The following SLC6A17 variants were observed in gnomAD, a reference collection of about 807,000 sequenced individuals.
SLC6A17 encodes sodium-dependent neutral amino acid transporter SLC6A17.
In SLC6A17, 21 loss-of-function variants were observed where a neutral mutation model predicts 64.5. That is an observed-to-expected ratio of 0.33 (90% CI 0.23 to 0.47). The LOEUF is 0.47. SLC6A17 is among the 20% of genes least tolerant of loss of function. The pLI is 1.00. For synonymous variants in SLC6A17, 372 were observed against 399.5 expected (o/e 0.93, Z 0.82); for missense variants, 682 against 963.2 (o/e 0.71, Z 3.86).
Position 110,184,192 on chromosome 1 carries a change from C to A in SLC6A17, c.864+7453C>A, listed in dbSNP as rs557379394. ...GTGGCGTGATCTTGGCTCACTGCAACCTCCGCCTCCCGGGTTCAAACGATT... is the reference window on the plus strand; with the variant it reads ...GTGGCGTGATCTTGGCTCACTGCAAACTCCGCCTCCCGGGTTCAAACGATT... On this transcript the variant is annotated intron_variant, in intron 6 of 11. Coordinates refer to ENST00000331565, the MANE Select transcript of SLC6A17 (RefSeq NM_001010898.4). Among the ~76,000 whole-genome samples the A allele has an allele frequency of 2.6e-5, 4 of 152,242 alleles. No individual in the cohort carries two copies. The East Asian group carries it at 7.7e-4, about 29-fold the overall frequency.
rs201061830 is a variant in SLC6A17, at chr1:110,197,590, C to G, written c.1806C>G (p.Ile602Met). ...CGCCCCCGGGCTACAGCGCCTGGAT[C>G]AAGGAGGAGGTGAGGGGTGGGGCCC... is the stretch of plus-strand genomic sequence containing the variant. ...GVTPPGYSAWIKEEAAERYLY... is the reference protein window; with the variant it reads ...GVTPPGYSAWMKEEAAERYLY... The change falls in exon 11 of 12, where the codon ATC (isoleucine) becomes ATG (methionine). Residue 602 changes from isoleucine (I) to methionine (M), a missense_variant. Physicochemically the swap from Ile to Met is conservative, Grantham distance 10 (BLOSUM62 1). Coordinates refer to ENST00000331565, the MANE Select transcript of SLC6A17 (RefSeq NM_001010898.4). The G allele has an allele frequency of 1.9e-6, 3 of 1,599,480 alleles. No individual in the cohort carries two copies. The East Asian group carries it at 6.7e-5, about 36-fold the overall frequency.
chr1:110,195,218 G>A (rs887437652), intron 9 of SLC6A17, among the ~76,000 whole-genome samples: 1 of 152,232 alleles, frequency 6.6e-6, no homozygotes, highest in Non-Finnish European at 1.5e-5. Context: ...TCCCTAAAGC[G>A]GGGTATCTTT....
chr1:110,180,815 G>T (rs1373788583), intron 6 of SLC6A17, among the ~76,000 whole-genome samples: 2 of 152,250 alleles, frequency 1.3e-5, no homozygotes, highest in South Asian at 4.1e-4. Flanking sequence ...CATGCTGTTT[G>T]GTACCTCTGG....
rs771857280 is a variant in SLC6A17 at position 110,174,919 on chromosome 1, G to A, written c.712G>A (p.Val238Met). Reference protein sequence around the residue: ...TLCLLVAWSIVGMAVVKGIQS... With the variant: ...TLCLLVAWSIMGMAVVKGIQS... ...GTGCCTCCTCGTGGCCTGGAGCATC[G>A]TGGGGATGGCTGTCGTTAAGGGCAT... Residue 238 changes from valine to methionine, a missense_variant, in exon 5 of 12, where the codon GTG (valine) becomes ATG (methionine). This residue lies in a region of SLC6A17 where 415 missense variants were observed against 603.8 expected (regional missense o/e 0.69). Coordinates refer to ENST00000331565, the MANE Select transcript of SLC6A17 (RefSeq NM_001010898.4). 17 of 1,614,016 alleles carry A rather than the reference G, an allele frequency of 1.1e-5. No homozygotes were observed. The highest frequency in any genetic ancestry group is 2.2e-5 in the South Asian group (2 of 91,072).
At chr1:110,196,168 G>T (rs1571004511) in intron 10 of SLC6A17, among the ~76,000 whole-genome samples, 1 of 152,194 alleles carries the variant, frequency 6.6e-6, no homozygotes, top group African/African-American at 2.4e-5. Flanking sequence ...GTTTGGGGTT[G>T]TGCAGGGTAA....
At position 110,192,617 on chromosome 1, in the gene SLC6A17, C is replaced by CA. The variant is rs1165414225; in HGVS notation, c.1220dup (p.Asn407LysfsTer17). ...CCACAAAGGACTACATGGAGATGTA[C>CA]AATGTCATCATGACCGTGAAGGAGG... is the stretch of plus-strand genomic sequence containing the variant. On this transcript the variant is annotated frameshift_variant, in exon 8 of 12. Transcript: ENST00000331565. LOFTEE classifies it high-confidence loss of function. This position sits in a 1 kb window ranked among gnomAD's most constrained non-coding sequence, Gnocchi z 4.3. 1 of 1,614,084 alleles carries CA rather than the reference C, an allele frequency of 6.2e-7. No individual in the cohort carries two copies. Among genetic ancestry groups the CA allele is most frequent in the Non-Finnish European group, 8.5e-7 (1 of 1,180,040 alleles).
At chr1:110,152,179 A>G (rs955383228) in intron 1 of SLC6A17, among the ~76,000 whole-genome samples, 10 of 152,318 alleles carry the variant, frequency 6.6e-5, no homozygotes, top group African/African-American at 2.4e-4. Flanking sequence ...TCACCTGGGC[A>G]GGAAGAGCTT....
intron 1 of SLC6A17, among the ~76,000 whole-genome samples, chr1:110,157,209 A>T (rs574259037): frequency 6.6e-6 from 1 of 152,228 alleles, no homozygotes; most frequent in East Asian, 1.9e-4. Context: ...CCTGATCCAT[A>T]TCACCATCAT....
intron 1 of SLC6A17, among the ~76,000 whole-genome samples, chr1:110,154,212 T>C (rs1224035164): frequency 6.6e-6 from 1 of 152,204 alleles, no homozygotes; most frequent in Admixed American, 6.5e-5. Flanking sequence ...GAGACAGATA[T>C]TGCTATCTCC....
Position 110,192,011 on chromosome 1 carries a change from G to A in SLC6A17, c.904G>A (p.Ala302Thr). The A allele has an allele frequency of 6.2e-7, 1 of 1,614,126 alleles. No individual in the cohort carries two copies. Among genetic ancestry groups the A allele is most frequent in the Non-Finnish European group, 8.5e-7 (1 of 1,179,950 alleles). Residue 302 changes from alanine (A) to threonine (T), a missense_variant, in exon 7 of 12, where the codon GCT (alanine) becomes ACT (threonine). This residue lies in a region of SLC6A17 where 415 missense variants were observed against 603.8 expected (regional missense o/e 0.69). Coordinates refer to ENST00000331565, the MANE Select transcript of SLC6A17 (RefSeq NM_001010898.4). The surrounding 1 kb of genome is among the most constrained non-coding windows in gnomAD (Gnocchi z 4.3). ...MLDPQVWREAATQVFFALGLG... is the reference protein window; with the variant it reads ...MLDPQVWREATTQVFFALGLG... ...GGACCCCCAGGTGTGGCGGGAGGCA[G>A]CTACCCAGGTCTTCTTTGCCTTGGG... is the stretch of plus-strand genomic sequence containing the variant.
At chr1:110,189,003 C>T (rs1312248605) in intron 6 of SLC6A17, among the ~76,000 whole-genome samples, 3 of 152,230 alleles carry the variant, frequency 2.0e-5, no homozygotes, top group Admixed American at 6.5e-5. Context: ...CCTCTTGCCT[C>T]TGCTGCTTCT....
At chr1:110,194,937 C>A in intron 9 of SLC6A17, 166 bp downstream of exon 9, 2 of 835,952 alleles carry the variant, frequency 2.4e-6, no homozygotes, top group Admixed American at 2.2e-5. Context: ...TTAGCACTCA[C>A]AAGCCAGGAA....
rs556907470 is a variant in SLC6A17 at position 110,199,575 on chromosome 1, G to A, written c.*1131G>A. The A allele has an allele frequency of 3.4e-5, 6 of 177,728 alleles. No individual in the cohort carries two copies. Among genetic ancestry groups the A allele is most frequent in the Admixed American group, 1.9e-4 (3 of 15,944 alleles). The allele number at this position is 177,728 out of a possible 1,614,324, so 11.0% of individuals were successfully genotyped here. ...CTTATTACACAAGCACAGCCGCCCA[G>A]TGTGCACATCATGTGCAGACACCTT... On this transcript the variant is annotated 3_prime_UTR_variant, in exon 12 of 12. Coordinates refer to ENST00000331565, the MANE Select transcript of SLC6A17 (RefSeq NM_001010898.4).
Position 110,192,825 on chromosome 1 carries a change from C to A in SLC6A17, c.1299+127C>A. Reference sequence around the variant, plus strand: ...ATTAGTTTACTTGGTAAGCAAGGATCTGCTGTGTGTCCAGAGGGAGTGAAA... The same window carrying A: ...ATTAGTTTACTTGGTAAGCAAGGATATGCTGTGTGTCCAGAGGGAGTGAAA... On this transcript the variant is annotated intron_variant, in intron 8 of 11. Transcript: ENST00000331565. The surrounding 1 kb of genome is among the most constrained non-coding windows in gnomAD (Gnocchi z 4.3). 1 of 1,089,512 alleles carries A rather than the reference C, an allele frequency of 9.2e-7. No individual in the cohort carries two copies. Among genetic ancestry groups the A allele is most frequent in the Non-Finnish European group, 1.3e-6 (1 of 777,270 alleles). 67.5% of individuals were successfully genotyped at this position (1,089,512 alleles called of 1,614,324 possible).
rs889307091 is a variant in SLC6A17 at position 110,199,897 on chromosome 1, G to C, written c.*1453G>C. 12 of 387,566 alleles carry C rather than the reference G, an allele frequency of 3.1e-5. No individual in the cohort carries two copies. Among genetic ancestry groups the C allele is most frequent in the East Asian group, 2.9e-4 (8 of 27,278 alleles). 24.0% of individuals were successfully genotyped at this position (387,566 alleles called of 1,614,324 possible). On this transcript the variant is annotated 3_prime_UTR_variant, in exon 12 of 12. Coordinates refer to ENST00000331565, the MANE Select transcript of SLC6A17 (RefSeq NM_001010898.4). ...GGTTGGGGAGTGGGGGTGGATGGAT[G>C]GATAGATGGATGGATGGATGGATGG...
At position 110,174,951 on chromosome 1, in the gene SLC6A17, C is replaced by A. The variant is rs538366520; in HGVS notation, c.744C>A (p.Ser248=). ...VGMAVVKGIQ[S]SGKVMYFSSL... ...TGGCTGTCGTTAAGGGCATCCAGTC[C>A]TCGGGGAAGGTGAGTGCTGAGGGGG... Residue 248 remains serine, a synonymous_variant, in exon 5 of 12, where the codon TCC becomes TCA. Transcript: ENST00000331565. 1.9e-6 allele frequency: 3 copies of A among 1,613,556 alleles called. No homozygotes were observed. The highest frequency in any genetic ancestry group is 3.3e-5 in the Admixed American group (2 of 59,988).
At chr1:110,167,769 C>T (rs1171039940) in intron 2 of SLC6A17, among the ~76,000 whole-genome samples, 1 of 152,220 alleles carries the variant, frequency 6.6e-6, no homozygotes, top group Non-Finnish European at 1.5e-5. Context: ...ATCCTCCCAA[C>T]AGCCTTATAT....
chr1:110,188,787 T>C (rs1656751179), intron 6 of SLC6A17, among the ~76,000 whole-genome samples: 1 of 151,516 alleles, frequency 6.6e-6, no homozygotes, highest in Non-Finnish European at 1.5e-5. Context: ...CTTCTCCTGA[T>C]CCGAGGCTTG....
rs539701524 is a variant in SLC6A17 at position 110,172,291 on chromosome 1, G to A, written c.444+74G>A. On this transcript the variant is annotated intron_variant, in intron 3 of 11. Coordinates refer to ENST00000331565, the MANE Select transcript of SLC6A17 (RefSeq NM_001010898.4). The stretch of plus-strand genomic sequence containing the variant: ...CCTGGGCATTGGAGACGAGGTCACC[G>A]AGTTTCCAGGCCAGAGTCCTACGTC... The A allele has an allele frequency of 5.3e-5, 79 of 1,495,500 alleles. No homozygotes were observed. In the African/African-American group the frequency reaches 9.7e-4, roughly 18 times the overall value. 92.6% of individuals were successfully genotyped at this position (1,495,500 alleles called of 1,614,324 possible). A position where few individuals can be genotyped will look rare whatever the true frequency, so the allele number is the denominator to read the frequency against.
Sources: allele counts gnomAD v4.1 joint callset (sites outside exome capture counted in the v4.1 genomes callset), GRCh38; gene constraint gnomAD v4.1.1; regional missense constraint gnomAD v4.1.1; non-coding constraint Gnocchi (gnomAD v3.1); transcripts MANE v1.5; gene names NCBI Gene and HGNC (gene_info 2026-07-23, HGNC 2026-07-21).